The following ITPR1 variants were observed in gnomAD, a reference collection of about 807,000 sequenced individuals.
ITPR1 encodes the protein inositol 1,4,5-trisphosphate receptor type 1.
Under a neutral mutation model 318.4 loss-of-function variants are expected in ITPR1, and 96 were observed. The observed-to-expected ratio is 0.30, with a 90% CI of 0.26 to 0.36. The LOEUF (loss-of-function observed/expected upper bound fraction) is 0.36, where lower values mean the gene tolerates loss of function less well. ITPR1 is among the 10% of genes least tolerant of loss of function. ITPR1 has a pLI of 1.00. For synonymous variants in ITPR1, 1,312 were observed against 1,289.9 expected (o/e 1.02, Z -0.37); for missense variants, 2,440 against 3,460.2 (o/e 0.71, Z 7.40).
rs929271486 is a variant in ITPR1 at position 4,635,615 on chromosome 3, G to C, written c.280-3769G>C. 1.8e-4 allele frequency among the ~76,000 whole-genome samples: 28 copies of C among 152,194 alleles called. No homozygotes were observed. The East Asian group carries it at 5.0e-3, about 27-fold the overall frequency. On this transcript the variant is annotated intron_variant, in intron 5 of 61. Coordinates refer to ENST00000649015, the MANE Select transcript of ITPR1 (RefSeq NM_001378452.1). The stretch of plus-strand genomic sequence containing the variant: ...CCGCCTCGGCCTCCCAAAGTGCTGG[G>C]ATTACAGGCATGAGCCACTGCGCCC...
chr3:4,661,214 G>A (rs2093825808), intron 14 of ITPR1, 127 bp downstream of exon 14: 3 of 539,628 alleles, frequency 5.6e-6, no homozygotes, highest in South Asian at 3.0e-5. Context: ...GGTCATGGCC[G>A]AACTTGAATG....
chr3:4,808,652 A>G (rs901919807), intron 55 of ITPR1, among the ~76,000 whole-genome samples: 8 of 152,230 alleles, frequency 5.3e-5, no homozygotes, highest in African/African-American at 1.9e-4. Context: ...GCAGTACTCA[A>G]TGTGTCTGGT....
At chr3:4,773,955 G>A (rs1189572282) in intron 46 of ITPR1, among the ~76,000 whole-genome samples, 1 of 152,218 alleles carries the variant, frequency 6.6e-6, no homozygotes, top group Non-Finnish European at 1.5e-5. Context: ...CTTAACCTGT[G>A]CATTTACAAA....
chr3:4,777,084 C>G (rs1020852115), intron 47 of ITPR1, among the ~76,000 whole-genome samples, 180 bp from the exon 48 acceptor site: 2 of 152,234 alleles, frequency 1.3e-5, no homozygotes, highest in South Asian at 2.1e-4. Flanking sequence ...AATTCTGAAA[C>G]TAGAGATTTT....
chr3:4,661,064 G>A lies in ITPR1; in HGVS notation c.1228G>A (p.Glu410Lys). The change falls in exon 14 of 62, where the codon GAA becomes AAA. Residue 410 changes from glutamate to lysine, a missense_variant. This residue lies in a region of ITPR1 where 101 missense variants were observed against 119.6 expected (regional missense o/e 0.84). Coordinates refer to ENST00000649015, the MANE Select transcript of ITPR1 (RefSeq NM_001378452.1). ...CACAAATATTCCTATTGACAAGGAA[G>A]AAGAAAAGCCCGTGATGCTGAAAGT... ...HSTNIPIDKE[E>K]EKPVMLKIGT... 6.2e-7 allele frequency: 1 copy of A among 1,607,112 alleles called. No homozygotes were observed.
At chr3:4,777,483 A>C in intron 48 of ITPR1, 109 bp downstream of exon 48, 1 of 680,664 alleles carries the variant, frequency 1.5e-6, no homozygotes, top group Admixed American at 2.2e-5. Flanking sequence ...TATTAAAGAT[A>C]GTTCTTTAAA....
At chr3:4,742,924 C>G (rs2043814190) in intron 44 of ITPR1, among the ~76,000 whole-genome samples, 1 of 152,182 alleles carries the variant, frequency 6.6e-6, no homozygotes, top group Non-Finnish European at 1.5e-5. Flanking sequence ...TCAATTGACC[C>G]AAGTCCTTCT....
chr3:4,575,445 A>G lies in ITPR1; in HGVS notation c.164-52318A>G, dbSNP rs567483326. ...TGGAAGATAAAATATTGCCTTAAAA[A>G]GCAGAAAATTTATTAAATATCATCA... On this transcript the variant is annotated intron_variant, in intron 4 of 61. Transcript: ENST00000649015. Among the ~76,000 whole-genome samples the G allele has an allele frequency of 2.5e-3, 375 of 152,334 alleles. 2 individuals carry two copies. The highest frequency in any genetic ancestry group is 8.6e-3 in the African/African-American group (358 of 41,562).
intron 35 of ITPR1, 68 bp from the exon 36 acceptor site, chr3:4,702,762 T>C (rs1439546780): frequency 6.5e-7 from 1 of 1,530,024 alleles, no homozygotes; most frequent in Non-Finnish European, 8.9e-7. Flanking sequence ...TCTCTGTCTC[T>C]GATCGGATCA....
intron 52 of ITPR1, among the ~76,000 whole-genome samples, chr3:4,793,097 C>A (rs2047674626): frequency 6.6e-6 from 1 of 152,198 alleles, no homozygotes; most frequent in Non-Finnish European, 1.5e-5. Flanking sequence ...CTCTAAGTAT[C>A]TTCTTGCACC....
intron 60 of ITPR1, among the ~76,000 whole-genome samples, chr3:4,819,595 A>G (rs1396537425): frequency 6.6e-6 from 1 of 152,136 alleles, no homozygotes; most frequent in Non-Finnish European, 1.5e-5. Context: ...AATATTCCTA[A>G]TCCTTTACAT....
At position 4,685,164 on chromosome 3, in the gene ITPR1, G is replaced by A. The variant is rs199960483; in HGVS notation, c.3660G>A (p.Ala1220=). The part of the protein sequence containing the change: ...QQQRLLRNMG[A]HAVVLELLQI... ...AGCGTCTGCTCCGGAACATGGGCGCGCACGCCGTGGTGCTGGAGCTGCTGC... is the reference window on the plus strand; with the variant it reads ...AGCGTCTGCTCCGGAACATGGGCGCACACGCCGTGGTGCTGGAGCTGCTGC... Residue 1220 remains alanine (A), a synonymous_variant, in exon 30 of 62, where the codon GCG becomes GCA. Coordinates refer to ENST00000649015, the MANE Select transcript of ITPR1 (RefSeq NM_001378452.1). 2,113 of 1,606,868 alleles carry A rather than the reference G, an allele frequency of 1.3e-3. 9 individuals carry two copies. Among genetic ancestry groups the A allele is most frequent in the South Asian group, 2.3e-3 (204 of 89,954 alleles).
intron 46 of ITPR1, 85 bp downstream of exon 46, chr3:4,768,849 C>A: frequency 7.6e-7 from 1 of 1,322,852 alleles, no homozygotes; most frequent in Non-Finnish European, 1.0e-6. Flanking sequence ...GCACCTCTCA[C>A]TTGGGCCAGA....
chr3:4,835,433 G>C (rs1334283714), intron 60 of ITPR1, among the ~76,000 whole-genome samples: 1 of 152,124 alleles, frequency 6.6e-6, no homozygotes, highest in African/African-American at 2.4e-5. Context: ...CTGGTTGTTT[G>C]GGGGGTATAA....
chr3:4,717,965 A>T (rs1382945404), intron 40 of ITPR1, among the ~76,000 whole-genome samples: 1 of 152,198 alleles, frequency 6.6e-6, no homozygotes, highest in Non-Finnish European at 1.5e-5. Context: ...AATGTCCTGT[A>T]TCCATGGCTT....
intron 42 of ITPR1, 95 bp from the exon 43 acceptor site, chr3:4,732,993 C>T (rs1002444115): frequency 8.0e-6 from 10 of 1,255,108 alleles, no homozygotes; most frequent in Non-Finnish European, 1.1e-5. Context: ...GAAACTGGGC[C>T]AATTATAACT....
At chr3:4,520,912 T>A in intron 3 of ITPR1, 112 bp from the exon 4 acceptor site, 1 of 772,810 alleles carries the variant, frequency 1.3e-6, no homozygotes, top group Non-Finnish European at 2.3e-6. Context: ...GGCAGGAGAA[T>A]ATGGCAATCT....
At chr3:4,758,061 CTGTT>C (rs1251076150) in intron 44 of ITPR1, among the ~76,000 whole-genome samples, 2 of 152,198 alleles carry the variant, frequency 1.3e-5, no homozygotes, top group Non-Finnish European at 2.9e-5. Context: ...CTTTGGCTCA[CTGTT>C]TGGCAGCCAC....
intron 4 of ITPR1, among the ~76,000 whole-genome samples, chr3:4,558,212 T>G (rs2086326137): frequency 6.6e-6 from 1 of 152,188 alleles, no homozygotes; most frequent in South Asian, 2.1e-4. Context: ...CCCAATAGAA[T>G]GCCTGATATG....
Sources: allele counts gnomAD v4.1 joint callset (sites outside exome capture counted in the v4.1 genomes callset), GRCh38; gene constraint gnomAD v4.1.1; regional missense constraint gnomAD v4.1.1; transcripts MANE v1.5; gene names NCBI Gene and HGNC (gene_info 2026-07-23, HGNC 2026-07-21).